KBTBD11: variants seen among roughly 807,000 people sequenced by gnomAD.
KBTBD11 encodes kelch repeat and BTB domain containing 11, also known as kelch repeat and BTB domain-containing protein 11.
For missense variants in KBTBD11, 1,390 were observed against 1,001.8 expected, an observed-to-expected ratio of 1.39 and a Z score of -5.23; for synonymous variants, 747 against 499.0, an observed-to-expected ratio of 1.50 and a Z score of -6.63.
At position 1,991,353 on chromosome 8, in the gene KBTBD11, C is replaced by T. The variant is rs1038509880; in HGVS notation, c.-908-8932C>T. Among the ~76,000 whole-genome samples the T allele has an allele frequency of 7.2e-5, 11 of 152,218 alleles. No homozygotes were observed. In the East Asian group the frequency reaches 7.7e-4, roughly 11 times the overall value. ...TACAGTTTCCAAGGATGGGAATCCC[C>T]GCACGCTAGCCTAAGCCAGAAGTGG... On this transcript the variant is annotated intron_variant, in intron 1 of 1. Coordinates refer to ENST00000320248, the MANE Select transcript of KBTBD11 (RefSeq NM_014867.3).
At chr8:1,984,608 A>C (rs1160851622) in intron 1 of KBTBD11, among the ~76,000 whole-genome samples, 1 of 151,942 alleles carries the variant, frequency 6.6e-6, no homozygotes, top group East Asian at 1.9e-4. Flanking sequence ...AAAATGTTTA[A>C]AAATGAATGA....
intron 1 of KBTBD11, among the ~76,000 whole-genome samples, chr8:1,985,296 G>T (rs1010859604): frequency 2.0e-5 from 3 of 152,260 alleles, no homozygotes; most frequent in Non-Finnish European, 4.4e-5. Flanking sequence ...TCAGAGCAAA[G>T]ATCAGGGTGT....
At chr8:1,984,981 CAG>C (rs148747442) in intron 1 of KBTBD11, among the ~76,000 whole-genome samples, 1 of 152,294 alleles carries the variant, frequency 6.6e-6, no homozygotes, top group African/African-American at 2.4e-5. Flanking sequence ...GCTTTTGAAT[CAG>C]GGTGGAATGG....
intron 1 of KBTBD11, among the ~76,000 whole-genome samples, chr8:1,979,223 G>A (rs1032893202): frequency 2.0e-5 from 3 of 152,156 alleles, no homozygotes; most frequent in Non-Finnish European, 4.4e-5. Context: ...CCTCCTCCTC[G>A]GGAACCTCCG....
In KBTBD11 at chr8:2,000,635, CTG is replaced by C. The variant is rs1817305178; in HGVS notation, c.-554_-553del. 6.5e-6 allele frequency: 1 copy of C among 152,756 alleles called. No individual in the cohort carries two copies. Among genetic ancestry groups the C allele is most frequent in the African/African-American group, 2.4e-5 (1 of 41,462 alleles). The allele number at this position is 152,756 out of a possible 1,614,324, so 9.5% of individuals were successfully genotyped here. Reference sequence around the variant, plus strand: ...TGGGGCCACAGCCGGTCTCAGCTTTCTGTGTTCTGGGGGCGCGGTGATATGAC... The same window carrying C: ...TGGGGCCACAGCCGGTCTCAGCTTTCTGTTCTGGGGGCGCGGTGATATGAC... On this transcript the variant is annotated 5_prime_UTR_variant, in exon 2 of 2. Coordinates refer to ENST00000320248, the MANE Select transcript of KBTBD11 (RefSeq NM_014867.3).
In KBTBD11 at chr8:2,002,573, G is replaced by C. The variant is rs767904479; in HGVS notation, c.1381G>C (p.Val461Leu). The part of the protein sequence containing the change: ...EATTCHGEIY[V>L]SGGSLFYRLL... Reference sequence around the variant, plus strand: ...CACCACCTGCCACGGCGAGATCTACGTGTCCGGGGGCTCCCTCTTCTATCG... The same window carrying C: ...CACCACCTGCCACGGCGAGATCTACCTGTCCGGGGGCTCCCTCTTCTATCG... Residue 461 changes from valine (V) to leucine (L), a missense_variant, in exon 2 of 2, where the codon GTG (valine) becomes CTG (leucine). Transcript: ENST00000320248. This position sits in a 1 kb window ranked among gnomAD's most constrained non-coding sequence, Gnocchi z 4.1. 3 of 1,581,176 alleles carry C rather than the reference G, an allele frequency of 1.9e-6. No individual in the cohort carries two copies. The South Asian group carries it at 3.4e-5, about 18-fold the overall frequency.
rs1201906553 is a variant in KBTBD11 at position 2,001,687 on chromosome 8, C to G, written c.495C>G (p.Phe165Leu). The part of the protein sequence containing the change: ...KAVLAARSDY[F>L]RARASRDVLR... ...TGCTGGCGGCGCGCAGCGACTACTTCCGCGCGCGCGCGTCGCGGGACGTGC... is the reference window on the plus strand; with the variant it reads ...TGCTGGCGGCGCGCAGCGACTACTTGCGCGCGCGCGCGTCGCGGGACGTGC... The change falls in exon 2 of 2, where the codon TTC (phenylalanine) becomes TTG (leucine). Residue 165 changes from phenylalanine (F) to leucine (L), a missense_variant. Physicochemically the swap from Phe to Leu is conservative, Grantham distance 22 (BLOSUM62 0). Transcript: ENST00000320248. The G allele has an allele frequency of 6.9e-7, 1 of 1,440,926 alleles. No homozygotes were observed. The highest frequency in any genetic ancestry group is 9.1e-7 in the Non-Finnish European group (1 of 1,102,296). The allele number at this position is 1,440,926 out of a possible 1,614,324, so 89.3% of individuals were successfully genotyped here. A position where few individuals can be genotyped will look rare whatever the true frequency, so the allele number is the denominator to read the frequency against.
chr8:1,995,514 A>T (rs1275918013), intron 1 of KBTBD11, among the ~76,000 whole-genome samples: 5 of 152,134 alleles, frequency 3.3e-5, no homozygotes, highest in Non-Finnish European at 7.4e-5. Context: ...GCCTTAAAGC[A>T]TACTGAGAAA....
intron 1 of KBTBD11, among the ~76,000 whole-genome samples, chr8:1,984,793 C>T (rs1406415978): frequency 6.6e-6 from 1 of 152,090 alleles, no homozygotes; most frequent in Admixed American, 6.5e-5. Flanking sequence ...AATCTCGTAT[C>T]ATTAAACGAA....
intron 1 of KBTBD11, among the ~76,000 whole-genome samples, chr8:1,997,142 G>C (rs182173876): frequency 2.0e-5 from 3 of 152,200 alleles, no homozygotes; most frequent in East Asian, 1.9e-4. Context: ...CCTCCGGCGG[G>C]GGGTGGGCGA....
intron 1 of KBTBD11, among the ~76,000 whole-genome samples, chr8:1,980,049 T>G (rs1019532499): frequency 2.0e-5 from 3 of 152,328 alleles, no homozygotes; most frequent in African/African-American, 7.2e-5. Context: ...TCTGTACAAT[T>G]ACCTGAAAGT....
At chr8:1,989,363 G>T (rs994207955) in intron 1 of KBTBD11, among the ~76,000 whole-genome samples, 1 of 152,178 alleles carries the variant, frequency 6.6e-6, no homozygotes, top group African/African-American at 2.4e-5. Context: ...TGTGATTCCA[G>T]TGAGCACAGG....
chr8:1,980,308 G>T (rs1443177088), intron 1 of KBTBD11, among the ~76,000 whole-genome samples: 1 of 148,676 alleles, frequency 6.7e-6, no homozygotes, highest in Non-Finnish European at 1.5e-5. Context: ...CTCACTGCAA[G>T]CTCCGCCTCC....
chr8:1,993,959 A>ACACACACACACACACACACACAC (rs1554527405), intron 1 of KBTBD11, among the ~76,000 whole-genome samples: 1 of 149,966 alleles, frequency 6.7e-6, no homozygotes, highest in African/African-American at 2.5e-5. Context: ...ACACACACAC[A>ACACACACACACACACACACACAC]AAACCCCATA....
intron 1 of KBTBD11, chr8:1,976,601 AG>A (rs1816353585): frequency 7.0e-6 from 1 of 142,964 alleles, no homozygotes; most frequent in East Asian, 2.3e-4. Flanking sequence ...GCTCAGTCCT[AG>A]GTGCTGGGAA....
chr8:2,002,213 A>T lies in KBTBD11; in HGVS notation c.1021A>T (p.Thr341Ser). Reference sequence around the variant, plus strand: ...GGCGGCCGGAGAGTGGCGCGAGCTGACGCGGCTGCCCGAGGGCGCGCCGGC... The same window carrying T: ...GGCGGCCGGAGAGTGGCGCGAGCTGTCGCGGCTGCCCGAGGGCGCGCCGGC... ...HAAAGEWREL[T>S]RLPEGAPARG... The change falls in exon 2 of 2, where the codon ACG becomes TCG. Residue 341 changes from threonine (T) to serine (S), a missense_variant. By Grantham distance (58) the Thr-to-Ser change is moderately conservative. Coordinates refer to ENST00000320248, the MANE Select transcript of KBTBD11 (RefSeq NM_014867.3). This position sits in a 1 kb window ranked among gnomAD's most constrained non-coding sequence, Gnocchi z 4.1. 2.4e-6 allele frequency: 3 copies of T among 1,260,226 alleles called. No individual in the cohort carries two copies. In the South Asian group the frequency reaches 8.0e-5, roughly 33 times the overall value. 78.1% of individuals were successfully genotyped at this position (1,260,226 alleles called of 1,614,324 possible).
rs1355150984 is a variant in KBTBD11, at chr8:2,000,533, C to G, written c.-660C>G. On this transcript the variant is annotated 5_prime_UTR_variant, in exon 2 of 2. Coordinates refer to ENST00000320248, the MANE Select transcript of KBTBD11 (RefSeq NM_014867.3). ...CCGTGACCTTGCAGTTGTGTAGCCACAAGTGGGAGCCACAGAGAAGGAGAG... is the reference window on the plus strand; with the variant it reads ...CCGTGACCTTGCAGTTGTGTAGCCAGAAGTGGGAGCCACAGAGAAGGAGAG... The G allele has an allele frequency of 2.0e-5, 3 of 152,218 alleles. No individual in the cohort carries two copies. The highest frequency in any genetic ancestry group is 7.2e-5 in the African/African-American group (3 of 41,454). 9.4% of individuals were successfully genotyped at this position (152,218 alleles called of 1,614,324 possible).
intron 1 of KBTBD11, 63 bp from the exon 2 acceptor site, chr8:2,000,222 G>T (rs1040288601): frequency 3.3e-5 from 5 of 152,164 alleles, no homozygotes; most frequent in East Asian, 1.9e-4. Context: ...GGTAGACTCC[G>T]CTGACACGAA....
In KBTBD11 at chr8:1,987,007, CAAAAA is replaced by C. The variant is rs59934216; in HGVS notation, c.-909+13094_-909+13098del. 9.7e-5 allele frequency among the ~76,000 whole-genome samples: 6 copies of C among 62,032 alleles called. No individual in the cohort carries two copies. The Admixed American group carries it at 1.1e-3, about 11-fold the overall frequency. 40.7% of individuals were successfully genotyped at this position (62,032 alleles called of 152,430 possible). A position where few individuals can be genotyped will look rare whatever the true frequency, so the allele number is the denominator to read the frequency against. ...GCAACATAGTGAGACCCTATCTCTC[CAAAAA>C]AAAAAAAAAAAAAAAAAAAAACCAC... On this transcript the variant is annotated intron_variant, in intron 1 of 1. Transcript: ENST00000320248.
Sources: gnomAD v4.1 joint callset for allele counts (sites outside exome capture counted in the v4.1 genomes callset) on GRCh38, gnomAD v4.1.1 for gene constraint, Gnocchi (gnomAD v3.1) non-coding constraint, MANE v1.5 for transcripts, NCBI Gene and HGNC (gene_info 2026-07-23, HGNC 2026-07-21) for gene names.